MECOM: variants seen among roughly 807,000 people sequenced by gnomAD.
MECOM encodes the protein histone-lysine N-methyltransferase MECOM.
In MECOM, 13 loss-of-function variants were observed where a neutral mutation model predicts 116.3. That is an observed-to-expected ratio of 0.11 (90% CI 0.07 to 0.18). MECOM has a LOEUF of 0.18. MECOM is among the 10% of genes least tolerant of loss of function. The pLI is 1.00. For missense variants in MECOM, 1,299 were observed against 1,509.0 expected (o/e 0.86, Z 2.31); for synonymous variants, 528 against 535.2 (o/e 0.99, Z 0.19).
chr3:169,290,820 A>G (rs1714404014), intron 2 of MECOM, among the ~76,000 whole-genome samples: 1 of 152,174 alleles, frequency 6.6e-6, no homozygotes, highest in Non-Finnish European at 1.5e-5. Context: ...TTTTCGGTCT[A>G]TGTTACATGG....
chr3:169,310,171 A>AT (rs917103872), intron 2 of MECOM, among the ~76,000 whole-genome samples: 3 of 152,186 alleles, frequency 2.0e-5, no homozygotes, highest in Non-Finnish European at 4.4e-5. Context: ...GATTAAAGAC[A>AT]TTTTTTCCCA....
chr3:169,608,838 C>T (rs566929015), intron 1 of MECOM, among the ~76,000 whole-genome samples: 49 of 152,278 alleles, frequency 3.2e-4, no homozygotes, highest in Middle Eastern at 6.8e-3. Flanking sequence ...AGAGTTGTTG[C>T]ACAGCATTTA....
At chr3:169,135,788 C>T (rs1190817491) in intron 3 of MECOM, among the ~76,000 whole-genome samples, 9 of 151,760 alleles carry the variant, frequency 5.9e-5, no homozygotes, top group Admixed American at 5.9e-4. Flanking sequence ...ATATTTGGAT[C>T]TCTGGATACC....
chr3:169,371,273 C>G (rs914480540), intron 2 of MECOM, among the ~76,000 whole-genome samples: 5 of 151,840 alleles, frequency 3.3e-5, no homozygotes, highest in Admixed American at 2.0e-4. Flanking sequence ...AAGACAAATA[C>G]TGCATGATTT....
chr3:169,546,114 C>T (rs1327579019), intron 1 of MECOM, among the ~76,000 whole-genome samples: 2 of 152,120 alleles, frequency 1.3e-5, no homozygotes, highest in Non-Finnish European at 2.9e-5. Flanking sequence ...TTTAATTCAA[C>T]TTGTTTTCCT....
chr3:169,325,412 T>C (rs181564229), intron 2 of MECOM, among the ~76,000 whole-genome samples: 2 of 152,306 alleles, frequency 1.3e-5, no homozygotes, highest in African/African-American at 4.8e-5. Context: ...TCACCACCAC[T>C]TTTTAAGGTG....
intron 2 of MECOM, among the ~76,000 whole-genome samples, chr3:169,252,778 AG>A (rs1164860405): frequency 6.6e-6 from 1 of 152,178 alleles, no homozygotes; most frequent in Non-Finnish European, 1.5e-5. Context: ...AGAAAGGCAA[AG>A]CCCCATCAAA....
At chr3:169,404,582 G>A (rs1736377239) in intron 1 of MECOM, among the ~76,000 whole-genome samples, 1 of 152,214 alleles carries the variant, frequency 6.6e-6, no homozygotes, top group African/African-American at 2.4e-5. Flanking sequence ...GATTGCTGGA[G>A]GGGGAAGCCC....
chr3:169,419,910 A>T (rs922707117), intron 1 of MECOM, among the ~76,000 whole-genome samples: 3 of 152,224 alleles, frequency 2.0e-5, no homozygotes, highest in Admixed American at 6.5e-5. Context: ...ACAAATTTAC[A>T]AGAAGAAAAT....
At chr3:169,382,879 A>AAAAAAAAAAAAAAAAAAAAAAAAAGAAG (rs1358767356) in intron 1 of MECOM, among the ~76,000 whole-genome samples, 14 of 138,542 alleles carry the variant, frequency 1.0e-4, no homozygotes, top group Admixed American at 1.5e-4. Context: ...AAAAATAAAA[A>AAAAAAAAAAAAAAAAAAAAAAAAAGAAG]AAGAAGGTAA....
At chr3:169,341,379 C>T (rs894958456) in intron 2 of MECOM, among the ~76,000 whole-genome samples, 10 of 136,676 alleles carry the variant, frequency 7.3e-5, no homozygotes, top group Non-Finnish European at 1.5e-4. Context: ...GAGTAGAGGC[C>T]GGCAAGGGTA....
At chr3:169,555,988 T>C (rs1029914226) in intron 1 of MECOM, among the ~76,000 whole-genome samples, 2 of 152,196 alleles carry the variant, frequency 1.3e-5, no homozygotes, top group Non-Finnish European at 2.9e-5. Context: ...TTTGTTTTAT[T>C]TCATATTTTA....
chr3:169,463,317 T>G (rs1433760330), intron 1 of MECOM, among the ~76,000 whole-genome samples: 2 of 152,212 alleles, frequency 1.3e-5, no homozygotes. Flanking sequence ...AAACTCCATC[T>G]GTTCCCTAGG....
chr3:169,101,381 C>A (rs1191538179), intron 11 of MECOM, among the ~76,000 whole-genome samples: 1 of 152,172 alleles, frequency 6.6e-6, no homozygotes, highest in Non-Finnish European at 1.5e-5. Context: ...AGTGATAACT[C>A]CCTATGCATA....
intron 1 of MECOM, among the ~76,000 whole-genome samples, chr3:169,590,639 A>G (rs1325732096): frequency 6.6e-6 from 1 of 152,200 alleles, no homozygotes; most frequent in Non-Finnish European, 1.5e-5. Context: ...ATTTCATTTA[A>G]CCTTCTCAAC....
intron 2 of MECOM, among the ~76,000 whole-genome samples, chr3:169,221,222 A>C (rs149580815): frequency 6.6e-6 from 1 of 152,376 alleles, no homozygotes; most frequent in African/African-American, 2.4e-5. Context: ...AACAATATGC[A>C]GTAAACAAAT....
chr3:169,482,457 G>A (rs796716524), intron 1 of MECOM, among the ~76,000 whole-genome samples: 24 of 148,828 alleles, frequency 1.6e-4, no homozygotes, highest in African/African-American at 5.4e-4. Context: ...TCAGCCTCCC[G>A]AGTAGCTGGG....
rs530304192 is a variant in MECOM at position 169,284,571 on chromosome 3, G to A, written c.375+96616C>T. ...CATCCTTTTTTTAAAGTATATGAGC[G>A]CACACACACACACACACACACAAAT... On this transcript the variant is annotated intron_variant, in intron 2 of 16. Transcript: ENST00000651503. Among the ~76,000 whole-genome samples the A allele has an allele frequency of 1.8e-4, 26 of 146,964 alleles. No homozygotes were observed. In the South Asian group the frequency reaches 4.6e-3, roughly 26 times the overall value.
chr3:169,380,231 C>G (rs185589079), intron 2 of MECOM, among the ~76,000 whole-genome samples: 3 of 152,234 alleles, frequency 2.0e-5, no homozygotes, highest in Non-Finnish European at 4.4e-5. Flanking sequence ...TGATTTCTGT[C>G]TACTGAAATG....
Sources: allele counts gnomAD v4.1 joint callset (sites outside exome capture counted in the v4.1 genomes callset), GRCh38; gene constraint gnomAD v4.1.1; transcripts MANE v1.5; gene names NCBI Gene and HGNC (gene_info 2026-07-23, HGNC 2026-07-21).